The following TENM1 variants were observed in gnomAD, a reference collection of about 807,000 sequenced individuals.
The protein encoded by TENM1 is teneurin transmembrane protein 1.
Under a neutral mutation model 174.8 loss-of-function variants are expected in TENM1, and 35 were observed. The ratio of observed to expected loss-of-function variants is 0.20; its 90% CI spans 0.15 to 0.27. The LOEUF (loss-of-function observed/expected upper bound fraction) is 0.27, where lower values mean the gene tolerates loss of function less well. TENM1 is among the 10% of genes least tolerant of loss of function. The pLI is 1.00. For synonymous variants in TENM1, 781 were observed against 798.7 expected (o/e 0.98, Z 0.37); for missense variants, 1,633 against 2,130.1 (o/e 0.77, Z 4.59).
At chrX:124,586,746 T>C (rs1354575325) in intron 11 of TENM1, among the ~76,000 whole-genome samples, 1 of 105,776 alleles carries the variant, frequency 9.5e-6, no homozygotes, top group African/African-American at 3.5e-5. Context: ...GGAAGTCAAA[T>C]TGTCCCTGTT....
At chrX:124,881,737 T>C (rs919812679) in intron 3 of TENM1, among the ~76,000 whole-genome samples, 23 of 107,212 alleles carry the variant, frequency 2.1e-4, no homozygotes, top group African/African-American at 5.7e-4. Context: ...TTTGTTTTGT[T>C]TTTTTTTTTT....
chrX:125,075,931 C>T, the TENM1 span, among the ~76,000 whole-genome samples: 47 of 111,483 alleles, frequency 4.2e-4, no homozygotes, highest in African/African-American at 1.5e-3. Flanking sequence ...CTATATCTTA[C>T]ACCTCAAAAT....
intron 11 of TENM1, among the ~76,000 whole-genome samples, chrX:124,614,509 T>C (rs894899938): frequency 7.1e-5 from 8 of 111,976 alleles, no homozygotes; most frequent in African/African-American, 2.6e-4. Context: ...TGGCTGTCCA[T>C]GGGATGGGAG....
chrX:124,916,256 A>G, intron 1 of TENM1, among the ~76,000 whole-genome samples: 1 of 111,890 alleles, frequency 8.9e-6, no homozygotes, highest in East Asian at 2.8e-4. Context: ...TGGGCCAATC[A>G]TATTTCCCAC....
At chrX:124,741,344 G>A in intron 3 of TENM1, among the ~76,000 whole-genome samples, 1 of 111,707 alleles carries the variant, frequency 9.0e-6, no homozygotes, top group Admixed American at 9.5e-5. Context: ...GAAATACTGT[G>A]GCAACTTATC....
At chrX:124,645,029 G>T in intron 10 of TENM1, 114 bp downstream of exon 13, 1 of 696,788 alleles carries the variant, frequency 1.4e-6, no homozygotes, top group Non-Finnish European at 2.2e-6. Flanking sequence ...CTAAGACGCT[G>T]AGCATTTATT....
intron 3 of TENM1, among the ~76,000 whole-genome samples, chrX:124,828,571 C>T (rs1048464252): frequency 8.9e-6 from 1 of 112,415 alleles, no homozygotes; most frequent in African/African-American, 3.2e-5. Flanking sequence ...TTAACAGTTG[C>T]TTTTATTTCT....
intron 11 of TENM1, among the ~76,000 whole-genome samples, chrX:124,566,133 T>C: frequency 8.9e-6 from 1 of 112,037 alleles, no homozygotes; most frequent in East Asian, 2.8e-4. Flanking sequence ...CCTAACTTCA[T>C]TCAGAAAGAC....
chrX:124,940,946 T>G (rs1035552056), intron 1 of TENM1, among the ~76,000 whole-genome samples: 1 of 111,794 alleles, frequency 8.9e-6, no homozygotes, highest in South Asian at 3.7e-4. Context: ...CTTCAAATAT[T>G]TATTCATTGC....
the TENM1 span, among the ~76,000 whole-genome samples, chrX:124,991,524 G>C: frequency 1.8e-5 from 2 of 109,905 alleles, no homozygotes; most frequent in African/African-American, 6.6e-5. Flanking sequence ...GACAGAGAGA[G>C]ACAGAGAGAG....
At chrX:124,619,450 G>A (rs1363560527) in intron 11 of TENM1, among the ~76,000 whole-genome samples, 1 of 111,959 alleles carries the variant, frequency 8.9e-6, no homozygotes, top group Non-Finnish European at 1.9e-5. Context: ...TACCATCATA[G>A]TCTGGATATG....
the TENM1 span, among the ~76,000 whole-genome samples, chrX:125,176,231 T>C: frequency 5.4e-5 from 6 of 111,841 alleles, no homozygotes; most frequent in East Asian, 1.1e-3. Context: ...GGGCATTATA[T>C]ATTTCATTTG....
chrX:124,663,569 A>G (rs1468116132), intron 6 of TENM1, among the ~76,000 whole-genome samples: 1 of 111,861 alleles, frequency 8.9e-6, no homozygotes, highest in African/African-American at 3.2e-5. Flanking sequence ...CTCCTCCACA[A>G]AACTAAAATG....
chrX:124,932,631 C>T (rs555249674), intron 1 of TENM1, among the ~76,000 whole-genome samples: 2 of 111,475 alleles, frequency 1.8e-5, no homozygotes, highest in Middle Eastern at 9.2e-3. Flanking sequence ...TTGAGTTAGG[C>T]CCTGAGGATG....
At chrX:124,686,997 T>C (rs2052383021) in intron 5 of TENM1, among the ~76,000 whole-genome samples, 1 of 111,559 alleles carries the variant, frequency 9.0e-6, no homozygotes, top group South Asian at 3.8e-4. Context: ...TTTGTGGACA[T>C]GATCCTATAT....
chrX:124,592,622 G>C (rs1431862867), intron 11 of TENM1, among the ~76,000 whole-genome samples: 1 of 109,797 alleles, frequency 9.1e-6, no homozygotes, highest in Non-Finnish European at 1.9e-5. Context: ...TTTTAGTAGA[G>C]ATGCGGTTTC....
the TENM1 span, among the ~76,000 whole-genome samples, chrX:125,037,623 G>A: frequency 2.3e-4 from 25 of 111,078 alleles, no homozygotes; most frequent in African/African-American, 8.1e-4. Context: ...GTGCCAAAAC[G>A]ATCCTGTCCG....
At chrX:124,842,633 C>A (rs1035119661) in intron 3 of TENM1, among the ~76,000 whole-genome samples, 1 of 110,609 alleles carries the variant, frequency 9.0e-6, no homozygotes, top group Non-Finnish European at 1.9e-5. Context: ...CTTTTTACTG[C>A]GTATTCACAG....
intron 25 of TENM1, among the ~76,000 whole-genome samples, chrX:124,410,194 A>G (rs1478630004): frequency 9.0e-6 from 1 of 111,609 alleles, no homozygotes; most frequent in Non-Finnish European, 1.9e-5. Flanking sequence ...GGAACAGAAC[A>G]GAGCCCTCAG....
Sources: gnomAD v4.1 joint callset for allele counts (sites outside exome capture counted in the v4.1 genomes callset) on GRCh38, gnomAD v4.1.1 for gene constraint, MANE v1.5 for transcripts, NCBI Gene and HGNC (gene_info 2026-07-23, HGNC 2026-07-21) for gene names.